Variants in GALNT13 observed in about 807,000 individuals in gnomAD.
GALNT13 encodes UDP-GalNAc:polypeptide N-acetylgalactosaminyltransferase 13.
GALNT13 carries 28 observed loss-of-function variants against 64.2 expected under a neutral mutation model. The ratio of observed to expected loss-of-function variants is 0.44; its 90% CI spans 0.32 to 0.60. GALNT13 has a LOEUF of 0.60. Among genes scored for constraint, GALNT13 ranks in the 20% least tolerant of loss-of-function variants. The probability of loss-of-function intolerance (pLI) is 0.05; values close to 1 mark genes in which losing one functional copy is unlikely to be tolerated. For synonymous variants in GALNT13, 214 were observed against 224.6 expected, an observed-to-expected ratio of 0.95 and a Z score of 0.42; for missense variants, 577 against 669.8, an observed-to-expected ratio of 0.86 and a Z score of 1.53.
At chr2:154,027,818 T>A (rs1455044642) in intron 3 of GALNT13, among the ~76,000 whole-genome samples, 1 of 152,122 alleles carries the variant, frequency 6.6e-6, no homozygotes, top group African/African-American at 2.4e-5. Context: ...ACAAAGACAT[T>A]TCCTAAGGCT....
chr2:153,823,847 G>A, the GALNT13 span, among the ~76,000 whole-genome samples: 2 of 152,062 alleles, frequency 1.3e-5, no homozygotes, highest in Non-Finnish European at 2.9e-5. Flanking sequence ...TACCATTGTA[G>A]AAAACTTCAC....
chr2:154,335,752 T>C (rs1695409345), intron 9 of GALNT13, among the ~76,000 whole-genome samples: 1 of 152,110 alleles, frequency 6.6e-6, no homozygotes, highest in South Asian at 2.1e-4. Flanking sequence ...GATTCTCGGT[T>C]ATGTAAATCT....
At chr2:153,222,541 C>T in the GALNT13 span, among the ~76,000 whole-genome samples, 1 of 152,266 alleles carries the variant, frequency 6.6e-6, no homozygotes, top group African/African-American at 2.4e-5. Flanking sequence ...CCCTTTCTGC[C>T]CAGCAGGCTG....
At chr2:153,330,115 A>G in the GALNT13 span, among the ~76,000 whole-genome samples, 1 of 152,114 alleles carries the variant, frequency 6.6e-6, no homozygotes, top group Non-Finnish European at 1.5e-5. Flanking sequence ...TATTTTCTCT[A>G]TTCTGTCCCA....
At chr2:154,034,892 A>T (rs1179535067) in intron 3 of GALNT13, among the ~76,000 whole-genome samples, 1 of 152,170 alleles carries the variant, frequency 6.6e-6, no homozygotes, top group Non-Finnish European at 1.5e-5. Context: ...AATGGCTATT[A>T]TTAAAAAGTC....
At chr2:153,777,557 G>T in the GALNT13 span, among the ~76,000 whole-genome samples, 1 of 152,168 alleles carries the variant, frequency 6.6e-6, no homozygotes, top group African/African-American at 2.4e-5. Context: ...TTGTGCCCAT[G>T]TACAAAACTG....
At chr2:153,728,566 G>C in the GALNT13 span, among the ~76,000 whole-genome samples, 2,501 of 152,040 alleles carry the variant, frequency 0.016, 69 homozygotes, top group East Asian at 0.13. Flanking sequence ...TCGACACCCT[G>C]AAATCACAAT....
the GALNT13 span, among the ~76,000 whole-genome samples, chr2:153,341,750 G>A: frequency 6.6e-6 from 1 of 152,340 alleles, no homozygotes; most frequent in Non-Finnish European, 1.5e-5. Flanking sequence ...AATACTGACA[G>A]GAAAAAGGTA....
the GALNT13 span, among the ~76,000 whole-genome samples, chr2:153,219,794 A>G: frequency 6.6e-6 from 1 of 152,232 alleles, no homozygotes. Context: ...TCAGTGTGGG[A>G]AATTTCATCC....
the GALNT13 span, among the ~76,000 whole-genome samples, chr2:153,464,699 G>C: frequency 1.3e-5 from 2 of 151,996 alleles, no homozygotes; most frequent in Non-Finnish European, 2.9e-5. Flanking sequence ...TGTAAAATTA[G>C]GTCAGAACAT....
the GALNT13 span, among the ~76,000 whole-genome samples, chr2:153,229,905 G>A: frequency 6.6e-6 from 1 of 152,196 alleles, no homozygotes; most frequent in African/African-American, 2.4e-5. Context: ...TAAAGCAAAT[G>A]TTAATGGCTT....
At chr2:153,909,304 G>T (rs991811301) in intron 2 of GALNT13, among the ~76,000 whole-genome samples, 4 of 152,062 alleles carry the variant, frequency 2.6e-5, no homozygotes, top group Admixed American at 2.6e-4. Context: ...CTGAAACTTT[G>T]CTGAGGTTTA....
the GALNT13 span, among the ~76,000 whole-genome samples, chr2:153,539,634 A>G: frequency 6.6e-6 from 1 of 151,644 alleles, no homozygotes; most frequent in Non-Finnish European, 1.5e-5. Flanking sequence ...TCCCAGCACC[A>G]TTTATTAAAT....
the GALNT13 span, among the ~76,000 whole-genome samples, chr2:153,540,583 T>TACTAA: frequency 2.0e-5 from 3 of 152,174 alleles, no homozygotes; most frequent in African/African-American, 7.2e-5. Context: ...CAGCCACAGG[T>TACTAA]ACTAAACAGC....
At chr2:153,562,060 C>CTCTCTGTGTGTGTGTGTG in the GALNT13 span, among the ~76,000 whole-genome samples, 7 of 118,960 alleles carry the variant, frequency 5.9e-5, no homozygotes, top group African/African-American at 1.2e-4. Context: ...CTCTCTCTCT[C>CTCTCTGTGTGTGTGTGTG]TGTGTGTGTG....
the GALNT13 span, among the ~76,000 whole-genome samples, chr2:153,445,272 A>G: frequency 2.0e-5 from 3 of 152,230 alleles, no homozygotes; most frequent in African/African-American, 7.2e-5. Context: ...GCTTCCCCAT[A>G]TGAGAAGTCT....
the GALNT13 span, among the ~76,000 whole-genome samples, chr2:153,423,931 A>G: frequency 1.8e-3 from 277 of 151,672 alleles, 3 homozygotes; most frequent in African/African-American, 6.1e-3. Context: ...GTTAGACTAT[A>G]AAGTGCCTAA....
chr2:153,617,900 G>A, the GALNT13 span, among the ~76,000 whole-genome samples: 1 of 151,718 alleles, frequency 6.6e-6, no homozygotes, highest in African/African-American at 2.4e-5. Context: ...CAGTTGTAAT[G>A]TCTCCTTTTT....
the GALNT13 span, among the ~76,000 whole-genome samples, chr2:153,825,652 G>GTA: frequency 1.3e-3 from 185 of 145,570 alleles, no homozygotes; most frequent in Non-Finnish European, 2.0e-3. Context: ...GTGTGTGTGT[G>GTA]TATCCACTGA....
Sources: gnomAD v4.1 joint callset for allele counts (sites outside exome capture counted in the v4.1 genomes callset) on GRCh38, gnomAD v4.1.1 for gene constraint, MANE v1.5 for transcripts, NCBI Gene and HGNC (gene_info 2026-07-23, HGNC 2026-07-21) for gene names.